The following LIN7A variants were observed in gnomAD, a reference collection of about 807,000 sequenced individuals.
The protein encoded by LIN7A is protein lin-7 homolog A.
Under a neutral mutation model 29.8 loss-of-function variants are expected in LIN7A, and 25 were observed. That is an observed-to-expected ratio of 0.84 (90% CI 0.61 to 1.17). The LOEUF (loss-of-function observed/expected upper bound fraction) is 1.17. Ranked by LOEUF, LIN7A falls within the 50% of genes most tolerant of loss-of-function variation. The pLI is 0.00. For synonymous variants in LIN7A, 118 were observed against 107.5 expected (o/e 1.10, Z -0.60); for missense variants, 239 against 287.0 (o/e 0.83, Z 1.21).
chr12:80,820,380 T>G (rs1443168815), intron 4 of LIN7A, among the ~76,000 whole-genome samples: 1 of 152,210 alleles, frequency 6.6e-6, no homozygotes, highest in East Asian at 1.9e-4. Flanking sequence ...GCATTATCAG[T>G]AAGCCTGGGG....
chr12:80,806,114 C>T (rs1233858212), intron 5 of LIN7A, among the ~76,000 whole-genome samples: 1 of 151,590 alleles, frequency 6.6e-6, no homozygotes, highest in African/African-American at 2.4e-5. Context: ...AGTGGCTTTC[C>T]CCTCCAGCCA....
intron 2 of LIN7A, among the ~76,000 whole-genome samples, chr12:80,884,100 C>T (rs902899140): frequency 6.6e-6 from 1 of 152,028 alleles, no homozygotes; most frequent in Non-Finnish European, 1.5e-5. Flanking sequence ...AATTTGTGAC[C>T]TAAGTTTCTC....
chr12:80,816,410 C>CAAAAA (rs145507202), intron 4 of LIN7A, among the ~76,000 whole-genome samples: 1 of 138,940 alleles, frequency 7.2e-6, no homozygotes. Flanking sequence ...GACTCTGTCT[C>CAAAAA]AAAAAAAAAA....
intron 2 of LIN7A, among the ~76,000 whole-genome samples, chr12:80,863,427 A>C (rs1873975987): frequency 6.6e-6 from 1 of 152,248 alleles, no homozygotes; most frequent in Non-Finnish European, 1.5e-5. Flanking sequence ...AGAAGGGAGA[A>C]AGAGAGCACA....
intron 2 of LIN7A, among the ~76,000 whole-genome samples, chr12:80,849,713 C>T (rs1873238343): frequency 6.6e-6 from 1 of 152,128 alleles, no homozygotes; most frequent in South Asian, 2.1e-4. Flanking sequence ...CCCACCATTC[C>T]TCAAACATAT....
chr12:80,894,908 A>T (rs970790263), intron 1 of LIN7A, among the ~76,000 whole-genome samples: 5 of 152,202 alleles, frequency 3.3e-5, no homozygotes, highest in South Asian at 2.1e-4. Flanking sequence ...GCTCAGAAAG[A>T]TGAGTCATCT....
intron 4 of LIN7A, among the ~76,000 whole-genome samples, chr12:80,837,255 T>A (rs982722310): frequency 2.6e-5 from 4 of 152,160 alleles, no homozygotes; most frequent in African/African-American, 9.7e-5. Context: ...CTCAAAGATA[T>A]TAATATCAGG....
chr12:80,890,863 C>T (rs1158630187), intron 1 of LIN7A, among the ~76,000 whole-genome samples: 4 of 152,098 alleles, frequency 2.6e-5, no homozygotes, highest in Non-Finnish European at 5.9e-5. Context: ...CACTACTGGA[C>T]TCCAGCCTAG....
intron 2 of LIN7A, among the ~76,000 whole-genome samples, chr12:80,851,821 T>C (rs1873349882): frequency 6.6e-6 from 1 of 152,168 alleles, no homozygotes; most frequent in African/African-American, 2.4e-5. Context: ...AAATAATTCA[T>C]AGAAACTCAT....
At chr12:80,838,737 C>T (rs952209506) in intron 4 of LIN7A, among the ~76,000 whole-genome samples, 1 of 152,314 alleles carries the variant, frequency 6.6e-6, no homozygotes, top group Middle Eastern at 3.4e-3. Flanking sequence ...AATAGCTTTA[C>T]TTGAGGTCTC....
At chr12:80,822,605 T>C (rs1286311177) in intron 4 of LIN7A, among the ~76,000 whole-genome samples, 1 of 152,126 alleles carries the variant, frequency 6.6e-6, no homozygotes, top group Non-Finnish European at 1.5e-5. Context: ...ACTGCCCCAG[T>C]GATTTAATTA....
chr12:80,865,503 A>T (rs1874092411), intron 2 of LIN7A, among the ~76,000 whole-genome samples: 1 of 152,216 alleles, frequency 6.6e-6, no homozygotes, highest in South Asian at 2.1e-4. Context: ...TAGCTGTGAG[A>T]AATCAAGGAG....
At chr12:80,847,725 A>G (rs1471257525) in intron 3 of LIN7A, among the ~76,000 whole-genome samples, 3 of 152,120 alleles carry the variant, frequency 2.0e-5, no homozygotes, top group African/African-American at 7.2e-5. Context: ...TGAGTCTTTA[A>G]AGGGCAGATG....
At chr12:80,863,792 G>A (rs566122430) in intron 2 of LIN7A, among the ~76,000 whole-genome samples, 2 of 152,204 alleles carry the variant, frequency 1.3e-5, no homozygotes, top group Admixed American at 1.3e-4. Flanking sequence ...ACCCCATCTG[G>A]TGGTATGGGT....
At chr12:80,937,456 G>C in intron 1 of LIN7A, 185 bp downstream of exon 1, 1 of 414,348 alleles carries the variant, frequency 2.4e-6, no homozygotes, top group Non-Finnish European at 4.2e-6. Flanking sequence ...GGGGCAGCGG[G>C]AACGTAGCGG....
intron 2 of LIN7A, among the ~76,000 whole-genome samples, chr12:80,880,977 A>G (rs2120581774): frequency 6.6e-6 from 1 of 152,326 alleles, no homozygotes; most frequent in East Asian, 1.9e-4. Flanking sequence ...CAGAGGTGCT[A>G]TTAATTTTTT....
At chr12:80,803,790 A>G (rs1338526545) in intron 5 of LIN7A, among the ~76,000 whole-genome samples, 2 of 152,202 alleles carry the variant, frequency 1.3e-5, no homozygotes, top group Non-Finnish European at 2.9e-5. Context: ...AAGCTAATGC[A>G]TCTTTGAGGA....
intron 5 of LIN7A, among the ~76,000 whole-genome samples, chr12:80,809,055 G>T (rs1211151411): frequency 6.6e-6 from 1 of 150,662 alleles, no homozygotes; most frequent in East Asian, 2.0e-4. Context: ...GCTCGATCTC[G>T]GCTTACTGCA....
intron 2 of LIN7A, among the ~76,000 whole-genome samples, chr12:80,866,409 T>A (rs920692383): frequency 3.3e-5 from 5 of 152,232 alleles, no homozygotes; most frequent in Non-Finnish European, 7.3e-5. Context: ...TTTTCTGTCT[T>A]ATTATCCAGT....
Sources: allele counts gnomAD v4.1 joint callset (sites outside exome capture counted in the v4.1 genomes callset), GRCh38; gene constraint gnomAD v4.1.1; transcripts MANE v1.5; gene names NCBI Gene and HGNC (gene_info 2026-07-23, HGNC 2026-07-21).